Variants in MYO7B observed in about 807,000 individuals in gnomAD.
MYO7B encodes unconventional myosin-VIIb.
Under a neutral mutation model 259.7 loss-of-function variants are expected in MYO7B, and 212 were observed. The observed-to-expected ratio is 0.82, with a 90% CI of 0.73 to 0.91. MYO7B has a LOEUF of 0.91. MYO7B is among the 40% of genes least tolerant of loss of function. MYO7B has a pLI of 0.00. For missense variants in MYO7B, 2,732 were observed against 2,813.5 expected (o/e 0.97, Z 0.66); for synonymous variants, 1,197 against 1,166.4 (o/e 1.03, Z -0.54).
At chr2:127,633,164 T>C in intron 39 of MYO7B, 94 bp from the exon 40 acceptor site, 1 of 981,050 alleles carries the variant, frequency 1.0e-6, no homozygotes, top group Admixed American at 2.3e-5. Context: ...TTTTCTTTTG[T>C]TTCTGGCACA....
At position 127,630,824 on chromosome 2, in the gene MYO7B, A is replaced by G. The variant is rs1271887699; in HGVS notation, c.4853A>G (p.Glu1618Gly). 6.2e-7 allele frequency: 1 copy of G among 1,613,028 alleles called. No homozygotes were observed. The highest frequency in any genetic ancestry group is 1.1e-5 in the South Asian group (1 of 91,078). The change falls in exon 36 of 48, where the codon GAG (glutamate) becomes GGG (glycine). Residue 1618 changes from glutamate (E) to glycine (G), a missense_variant. This residue lies in a region of MYO7B where 821 missense variants were observed against 769.3 expected (regional missense o/e 1.07). Coordinates refer to ENST00000409816, the MANE Select transcript of MYO7B (RefSeq NM_001393586.1). ...SPEKRKLAAQ[E>G]GQFTEPRPEE... is the part of the protein sequence containing the mutation. ...GAGAAGAGGAAGCTGGCGGCTCAGG[A>G]GGGGCAGTTCACAGAGCCACGTCCT...
In MYO7B at chr2:127,624,147, G is replaced by A. The variant is rs779971006; in HGVS notation, c.3874G>A (p.Glu1292Lys). The change falls in exon 30 of 48, where the codon GAG becomes AAG. Residue 1292 changes from glutamate (E) to lysine (K), a missense_variant. Glu to Lys is a moderately conservative substitution (Grantham distance 56, BLOSUM62 1). This residue lies in a region of MYO7B where 1,906 missense variants were observed against 2,026.4 expected (regional missense o/e 0.94). Transcript: ENST00000409816. ...CATGATGGATGCCATCGCCCGGTGT[G>A]AGCAGATGGCCCAGGAGAGGGGCGA... Reference protein sequence around the residue: ...DHMMDAIARCEQMAQERGESQ... With the variant: ...DHMMDAIARCKQMAQERGESQ... 1.0e-5 allele frequency: 16 copies of A among 1,595,258 alleles called. No homozygotes were observed. In the South Asian group the frequency reaches 1.0e-4, roughly 10 times the overall value.
At chr2:127,566,550 C>CT (rs11438188) in intron 4 of MYO7B, 93 bp from the exon 5 acceptor site, 1,047,035 of 1,288,558 alleles carry the variant, frequency 0.81, 428,517 homozygotes, top group East Asian at 1. Flanking sequence ...CTGATAACCC[C>CT]GAGGGCAGAG....
rs984958011 is a variant in MYO7B, at chr2:127,611,746, G to A, written c.3193-504G>A. Among the ~76,000 whole-genome samples the A allele has an allele frequency of 6.6e-6, 1 of 152,172 alleles. No homozygotes were observed. Among genetic ancestry groups the A allele is most frequent in the East Asian group, 1.9e-4 (1 of 5,178 alleles). Reference sequence around the variant, plus strand: ...CTCTGCCTAAGGAGAGCAACAGATCGTAGTGGCTGCAGCCAGTCCCTCCCT... The same window carrying A: ...CTCTGCCTAAGGAGAGCAACAGATCATAGTGGCTGCAGCCAGTCCCTCCCT... On this transcript the variant is annotated intron_variant, in intron 24 of 47. Transcript: ENST00000409816. The surrounding 1 kb of genome is among the most constrained non-coding windows in gnomAD (Gnocchi z 5.4).
chr2:127,548,604 C>T (rs575575547), intron 1 of MYO7B, among the ~76,000 whole-genome samples: 2 of 151,934 alleles, frequency 1.3e-5, no homozygotes, highest in South Asian at 4.2e-4. Context: ...TTAGTAGAGA[C>T]GGGGTTTCAC....
chr2:127,635,897 A>G lies in MYO7B; in HGVS notation c.5996A>G (p.Glu1999Gly). The G allele has an allele frequency of 6.4e-7, 1 of 1,570,386 alleles. No individual in the cohort carries two copies. Among genetic ancestry groups the G allele is most frequent in the Admixed American group, 1.9e-5 (1 of 53,428 alleles). The change falls in exon 44 of 48, where the codon GAG (glutamate) becomes GGG (glycine). Residue 1999 changes from glutamate to glycine, a missense_variant. By Grantham distance (98) the Glu-to-Gly change is moderately conservative. This residue lies in a region of MYO7B where 821 missense variants were observed against 769.3 expected (regional missense o/e 1.07). Transcript: ENST00000409816. ...CTCACACGCCTGATGTCCTCGGAGG[A>G]GTGGAAAAAGGTCCCTGGTCGGGCT... ...ENLTRLMSSE[E>G]WKKSILLAYD...
At position 127,571,583 on chromosome 2, in the gene MYO7B, C is replaced by T. The variant is rs181883800; in HGVS notation, c.592+1673C>T. 4.7e-4 allele frequency among the ~76,000 whole-genome samples: 72 copies of T among 151,660 alleles called. No homozygotes were observed. The East Asian group carries it at 5.8e-3, about 12-fold the overall frequency. Reference sequence around the variant, plus strand: ...GCAACCTCTGCCTGTTAGGTTCAAGCGATTCTCCTGCCTCAGCCTCCCGAG... The same window carrying T: ...GCAACCTCTGCCTGTTAGGTTCAAGTGATTCTCCTGCCTCAGCCTCCCGAG... On this transcript the variant is annotated intron_variant, in intron 6 of 47. Coordinates refer to ENST00000409816, the MANE Select transcript of MYO7B (RefSeq NM_001393586.1).
Position 127,613,978 on chromosome 2 carries a change from C to T in MYO7B, c.3398+1375C>T, listed in dbSNP as rs1157257862. 6.6e-6 allele frequency among the ~76,000 whole-genome samples: 1 copy of T among 152,158 alleles called. No homozygotes were observed. The highest frequency in any genetic ancestry group is 1.9e-4 in the East Asian group (1 of 5,198). On this transcript the variant is annotated intron_variant, in intron 26 of 47. Coordinates refer to ENST00000409816, the MANE Select transcript of MYO7B (RefSeq NM_001393586.1). This position sits in a 1 kb window ranked among gnomAD's most constrained non-coding sequence, Gnocchi z 4.3. ...CAAGCTACTGTGGGTACCCTAAACTCTCTCCTCTGGTTCTTCAAGCCAGTA... is the reference window on the plus strand; with the variant it reads ...CAAGCTACTGTGGGTACCCTAAACTTTCTCCTCTGGTTCTTCAAGCCAGTA...
At position 127,546,863 on chromosome 2, in the gene MYO7B, C is replaced by T. The variant is rs1416769622; in HGVS notation, c.-24+11032C>T. ...ACCCACCAATCTATCCACCCATTCA[C>T]TTACCCAATCCAACCATTAATCCAT... On this transcript the variant is annotated intron_variant, in intron 1 of 47. Transcript: ENST00000409816. This position sits in a 1 kb window ranked among gnomAD's most constrained non-coding sequence, Gnocchi z 4.2. Among the ~76,000 whole-genome samples the T allele has an allele frequency of 2.0e-5, 3 of 151,790 alleles. No individual in the cohort carries two copies. The highest frequency in any genetic ancestry group is 7.3e-5 in the African/African-American group (3 of 41,276).
rs980586404 is a variant in MYO7B at position 127,584,708 on chromosome 2, G to A, written c.1555-70G>A. The A allele has an allele frequency of 1.6e-5, 25 of 1,571,422 alleles. No individual in the cohort carries two copies. Among genetic ancestry groups the A allele is most frequent in the African/African-American group, 2.7e-5 (2 of 73,580 alleles). ...CAGATCTCTTTGCCTCCATGAGGAA[G>A]TCCCTGAGCCTCACCTCCCCATGGC... On this transcript the variant is annotated intron_variant, in intron 13 of 47. Transcript: ENST00000409816. This position sits in a 1 kb window ranked among gnomAD's most constrained non-coding sequence, Gnocchi z 5.8.
rs55805018 is a variant in MYO7B, at chr2:127,636,707, G to A, written c.6207+79G>A. Reference sequence around the variant, plus strand: ...CAGGTGGGGCTGCAGTCATCTCTGCGGTGTGTCCTGCCTCTCTCCTGTCCC... The same window carrying A: ...CAGGTGGGGCTGCAGTCATCTCTGCAGTGTGTCCTGCCTCTCTCCTGTCCC... On this transcript the variant is annotated intron_variant, in intron 46 of 47. Coordinates refer to ENST00000409816, the MANE Select transcript of MYO7B (RefSeq NM_001393586.1). This position sits in a 1 kb window ranked among gnomAD's most constrained non-coding sequence, Gnocchi z 4.5. The A allele has an allele frequency of 1.5e-4, 238 of 1,609,048 alleles. No homozygotes were observed. The highest frequency in any genetic ancestry group is 1.2e-3 in the Middle Eastern group (7 of 6,034).
chr2:127,586,170 GA>G lies in MYO7B; in HGVS notation c.1690+1258del, dbSNP rs1341244102. 4.6e-5 allele frequency among the ~76,000 whole-genome samples: 7 copies of G among 152,128 alleles called. No homozygotes were observed. Among genetic ancestry groups the G allele is most frequent in the Non-Finnish European group, 8.8e-5 (6 of 68,028 alleles). On this transcript the variant is annotated intron_variant, in intron 14 of 47. Transcript: ENST00000409816. This position sits in a 1 kb window ranked among gnomAD's most constrained non-coding sequence, Gnocchi z 4.8. Reference sequence around the variant, plus strand: ...GATTTATCCCTATGTTTTCTTCTAAGATTTTTTTAGTGTTAGTTTTTACGTT... The same window carrying G: ...GATTTATCCCTATGTTTTCTTCTAAGTTTTTTTAGTGTTAGTTTTTACGTT...
At chr2:127,598,810 C>A (rs765769258) in intron 19 of MYO7B, among the ~76,000 whole-genome samples, 2 of 151,996 alleles carry the variant, frequency 1.3e-5, no homozygotes, top group Non-Finnish European at 2.9e-5. Flanking sequence ...GTTGTCTCCC[C>A]AGTATTATTC....
intron 7 of MYO7B, among the ~76,000 whole-genome samples, chr2:127,575,980 G>T (rs1256763727): frequency 3.9e-5 from 6 of 152,126 alleles, no homozygotes; most frequent in Non-Finnish European, 5.9e-5. Flanking sequence ...TTTATAAATA[G>T]TGTTTTAAAA....
chr2:127,609,389 T>G lies in MYO7B; in HGVS notation c.2815-117T>G, dbSNP rs1680287094. The G allele has an allele frequency of 2.2e-6, 2 of 925,268 alleles. No homozygotes were observed. The highest frequency in any genetic ancestry group is 3.3e-6 in the Non-Finnish European group (2 of 600,008). 57.3% of individuals were successfully genotyped at this position (925,268 alleles called of 1,614,324 possible). A position where few individuals can be genotyped will look rare whatever the true frequency, so the allele number is the denominator to read the frequency against. On this transcript the variant is annotated intron_variant, in intron 22 of 47. Transcript: ENST00000409816. This position sits in a 1 kb window ranked among gnomAD's most constrained non-coding sequence, Gnocchi z 6.9. Reference sequence around the variant, plus strand: ...GTGGGGATGGGTGGTCTCCAGCACCTGAGGGATCAGGGTAATGCAACAGCC... The same window carrying G: ...GTGGGGATGGGTGGTCTCCAGCACCGGAGGGATCAGGGTAATGCAACAGCC...
Position 127,624,171 on chromosome 2 carries a change from G to T in MYO7B, c.3898G>T (p.Glu1300Ter). The T allele has an allele frequency of 6.3e-7, 1 of 1,596,988 alleles. No individual in the cohort carries two copies. The highest frequency in any genetic ancestry group is 8.5e-7 in the Non-Finnish European group (1 of 1,172,522). The change falls in exon 30 of 48, where the codon GAG becomes TAG. Residue 1300 changes from glutamate (E) to a stop codon, truncating the protein, a stop_gained. Coordinates refer to ENST00000409816, the MANE Select transcript of MYO7B (RefSeq NM_001393586.1). LOFTEE classifies it high-confidence loss of function. ...RCEQMAQERG[E>*]SQRQSPWRIY... ...TGAGCAGATGGCCCAGGAGAGGGGC[G>T]AGAGCCAGCGCCAGTCACCCTGGCG...
chr2:127,546,254 T>C lies in MYO7B; in HGVS notation c.-24+10423T>C, dbSNP rs1693224077. 6.6e-6 allele frequency among the ~76,000 whole-genome samples: 1 copy of C among 152,190 alleles called. No homozygotes were observed. The highest frequency in any genetic ancestry group is 2.4e-5 in the African/African-American group (1 of 41,438). On this transcript the variant is annotated intron_variant, in intron 1 of 47. Transcript: ENST00000409816. This position sits in a 1 kb window ranked among gnomAD's most constrained non-coding sequence, Gnocchi z 4.2. Reference sequence around the variant, plus strand: ...TTAGCTTTGCTTCTTGGACCCCTGGTTCCTGATCTGTGAAGTGGGATGTCT... The same window carrying C: ...TTAGCTTTGCTTCTTGGACCCCTGGCTCCTGATCTGTGAAGTGGGATGTCT...
rs1681813784 is a variant in MYO7B at position 127,636,462 on chromosome 2, G to A, written c.6124-83G>A. 6.9e-7 allele frequency: 1 copy of A among 1,452,902 alleles called. No homozygotes were observed. The highest frequency in any genetic ancestry group is 1.9e-5 in the Admixed American group (1 of 52,596). The allele number at this position is 1,452,902 out of a possible 1,614,324, so 90.0% of individuals were successfully genotyped here. On this transcript the variant is annotated intron_variant, in intron 45 of 47. Coordinates refer to ENST00000409816, the MANE Select transcript of MYO7B (RefSeq NM_001393586.1). The surrounding 1 kb of genome is among the most constrained non-coding windows in gnomAD (Gnocchi z 4.5). ...GGAGGGCGTGGGTGTATGTGTGTATGTGCGTGTGGCCTAGATGAGCTCCTG... is the reference window on the plus strand; with the variant it reads ...GGAGGGCGTGGGTGTATGTGTGTATATGCGTGTGGCCTAGATGAGCTCCTG...
chr2:127,564,003 T>G, intron 2 of MYO7B, 150 bp from the exon 3 acceptor site: 1 of 561,634 alleles, frequency 1.8e-6, no homozygotes, highest in African/African-American at 1.9e-5. Context: ...GAAAGAGAGA[T>G]GGGAGAGGGG....
Sources: allele counts gnomAD v4.1 joint callset (sites outside exome capture counted in the v4.1 genomes callset), GRCh38; gene constraint gnomAD v4.1.1; regional missense constraint gnomAD v4.1.1; non-coding constraint Gnocchi (gnomAD v3.1); transcripts MANE v1.5; gene names NCBI Gene and HGNC (gene_info 2026-07-23, HGNC 2026-07-21).